Variants in LRRC75A observed in about 807,000 individuals in gnomAD.
LRRC75A encodes leucine-rich repeat-containing protein 75A.
In LRRC75A, 12 loss-of-function variants were observed where a neutral mutation model predicts 26.0. That is an observed-to-expected ratio of 0.46 (90% CI 0.30 to 0.75). The LOEUF (loss-of-function observed/expected upper bound fraction) is 0.75, where lower values mean the gene tolerates loss of function less well. Ranked by LOEUF, LRRC75A falls within the 30% of genes least tolerant of loss-of-function variation. The pLI is 0.08. For missense variants in LRRC75A, 410 were observed against 486.6 expected, an observed-to-expected ratio of 0.84 and a Z score of 1.48; for synonymous variants, 223 against 219.3, an observed-to-expected ratio of 1.02 and a Z score of -0.15.
chr17:16,488,566 G>A (rs998915839), intron 1 of LRRC75A, among the ~76,000 whole-genome samples: 2 of 152,126 alleles, frequency 1.3e-5, no homozygotes, highest in African/African-American at 4.8e-5. Context: ...TCCCTCTTTG[G>A]GAAACAAAGA....
At position 16,492,112 on chromosome 17, in the gene LRRC75A, C is replaced by A; in HGVS notation, c.-122G>T. ...GGCTGCAACTTTGGGGGAACTGTTG[C>A]GCGCGGGCGTCGCGGGGGCGGGCGG... is the stretch of plus-strand genomic sequence containing the variant. On this transcript the variant is annotated 5_prime_UTR_variant, in exon 1 of 4. Transcript: ENST00000470794. The A allele has an allele frequency of 1.1e-6, 1 of 892,812 alleles. No homozygotes were observed. Among genetic ancestry groups the A allele is most frequent in the Non-Finnish European group, 1.4e-6 (1 of 739,502 alleles). The allele number at this position is 892,812 out of a possible 1,614,324, so 55.3% of individuals were successfully genotyped here. A position where few individuals can be genotyped will look rare whatever the true frequency, so the allele number is the denominator to read the frequency against.
At chr17:16,476,959 C>A (rs34620073) in intron 1 of LRRC75A, among the ~76,000 whole-genome samples, 7 of 150,590 alleles carry the variant, frequency 4.6e-5, no homozygotes, top group Admixed American at 3.3e-4. Flanking sequence ...AGGATGGTCT[C>A]AATCTCCTGA....
intron 2 of LRRC75A, among the ~76,000 whole-genome samples, chr17:16,452,875 C>A (rs1011971589): frequency 6.6e-6 from 1 of 152,168 alleles, no homozygotes; most frequent in African/African-American, 2.4e-5. Context: ...TGTAGCCAGT[C>A]TCCAAAGCTT....
chr17:16,492,130 G>A lies in LRRC75A; in HGVS notation c.-140C>T, dbSNP rs2093859027. The A allele has an allele frequency of 1.6e-6, 1 of 634,294 alleles. No homozygotes were observed. The highest frequency in any genetic ancestry group is 2.0e-5 in the African/African-American group (1 of 49,468). 39.3% of individuals were successfully genotyped at this position (634,294 alleles called of 1,614,324 possible). ...ACTGTTGCGCGCGGGCGTCGCGGGG[G>A]CGGGCGGGCGGGCGGCTGTCGGCGC... On this transcript the variant is annotated 5_prime_UTR_variant, in exon 1 of 4. Coordinates refer to ENST00000470794, the MANE Select transcript of LRRC75A (RefSeq NM_001113567.3).
intron 2 of LRRC75A, among the ~76,000 whole-genome samples, chr17:16,457,772 C>T (rs2093696289): frequency 6.6e-6 from 1 of 150,592 alleles, no homozygotes; most frequent in African/African-American, 2.5e-5. Flanking sequence ...TTGAGACCAG[C>T]CTTGGCAACA....
intron 1 of LRRC75A, among the ~76,000 whole-genome samples, chr17:16,487,662 T>A (rs1352421749): frequency 6.6e-6 from 1 of 152,220 alleles, no homozygotes; most frequent in East Asian, 1.9e-4. Flanking sequence ...CTTGAACTGG[T>A]GAGCTCAAGT....
chr17:16,456,783 C>T (rs1312080767), intron 2 of LRRC75A, among the ~76,000 whole-genome samples: 2 of 152,218 alleles, frequency 1.3e-5, no homozygotes, highest in Non-Finnish European at 2.9e-5. Flanking sequence ...CATTTTCTTC[C>T]TTGCTGGAGC....
In LRRC75A at chr17:16,492,033, CCG is replaced by C; in HGVS notation, c.-45_-44del. The C allele has an allele frequency of 8.9e-7, 1 of 1,117,948 alleles. No homozygotes were observed. The highest frequency in any genetic ancestry group is 1.1e-6 in the Non-Finnish European group (1 of 917,216). The allele number at this position is 1,117,948 out of a possible 1,614,324, so 69.3% of individuals were successfully genotyped here. A position where few individuals can be genotyped will look rare whatever the true frequency, so the allele number is the denominator to read the frequency against. On this transcript the variant is annotated 5_prime_UTR_variant, in exon 1 of 4. Transcript: ENST00000470794. ...GGACTCTCCGCTCTGGGCCGCGAGG[CCG>C]CGTCCCCGCCAACCGCCCGCCCCTC...
rs34922220 is a variant in LRRC75A, at chr17:16,452,432, ATTT to A, written c.376-4475_376-4473del. 6.6e-3 allele frequency among the ~76,000 whole-genome samples: 953 copies of A among 145,038 alleles called. 10 individuals carry two copies. Among genetic ancestry groups the A allele is most frequent in the African/African-American group, 0.023 (909 of 39,226 alleles). Reference sequence around the variant, plus strand: ...ATGGGTGGGTGGCTCAGGCACAGGGATTTTTTTTTTTTTCTTTTTGTTTGAGAT... The same window carrying A: ...ATGGGTGGGTGGCTCAGGCACAGGGATTTTTTTTTTCTTTTTGTTTGAGAT... On this transcript the variant is annotated intron_variant, in intron 2 of 3. Coordinates refer to ENST00000470794, the MANE Select transcript of LRRC75A (RefSeq NM_001113567.3).
chr17:16,455,828 C>T (rs1251171055), intron 2 of LRRC75A, among the ~76,000 whole-genome samples: 1 of 152,236 alleles, frequency 6.6e-6, no homozygotes, highest in East Asian at 1.9e-4. Context: ...TGCTCCTAAC[C>T]GCTATCTGCT....
intron 1 of LRRC75A, among the ~76,000 whole-genome samples, chr17:16,472,758 A>C (rs768125144): frequency 6.6e-6 from 1 of 152,238 alleles, no homozygotes; most frequent in African/African-American, 2.4e-5. Context: ...TAAGCAGAAC[A>C]CCGGAAGTGG....
At chr17:16,452,185 CAAAAAAAA>C (rs71152808) in intron 2 of LRRC75A, among the ~76,000 whole-genome samples, 3 of 80,246 alleles carry the variant, frequency 3.7e-5, no homozygotes, top group Admixed American at 1.5e-4. Flanking sequence ...GACTTGCTCT[CAAAAAAAA>C]AAAAAAAAAA....
In LRRC75A at chr17:16,491,641, G is replaced by T; in HGVS notation, c.246+104C>A. ...CCCGCGGAAGGGGCCCCTGGGCGGT[G>T]CCCCTCGGTGCCCCCGGCTTCCTCG... On this transcript the variant is annotated intron_variant, in intron 1 of 3. Transcript: ENST00000470794. The surrounding 1 kb of genome is among the most constrained non-coding windows in gnomAD (Gnocchi z 5.9). 1.2e-6 allele frequency: 1 copy of T among 844,284 alleles called. No individual in the cohort carries two copies. The highest frequency in any genetic ancestry group is 1.6e-6 in the Non-Finnish European group (1 of 640,884). The allele number at this position is 844,284 out of a possible 1,614,324, so 52.3% of individuals were successfully genotyped here.
chr17:16,476,962 T>G (rs1218838969), intron 1 of LRRC75A, among the ~76,000 whole-genome samples: 1 of 151,554 alleles, frequency 6.6e-6, no homozygotes, highest in Non-Finnish European at 1.5e-5. Context: ...ATGGTCTCAA[T>G]CTCCTGACCT....
chr17:16,474,875 C>T (rs796259365), intron 1 of LRRC75A, among the ~76,000 whole-genome samples: 21 of 151,680 alleles, frequency 1.4e-4, no homozygotes, highest in African/African-American at 5.1e-4. Flanking sequence ...CGCCTGTAGT[C>T]CCAGCTACTC....
chr17:16,474,886 G>A (rs944972666), intron 1 of LRRC75A, among the ~76,000 whole-genome samples: 15 of 151,760 alleles, frequency 9.9e-5, no homozygotes, highest in African/African-American at 2.2e-4. Context: ...CCAGCTACTC[G>A]GGAGGCTGAG....
At chr17:16,453,517 T>C (rs1474868326) in intron 2 of LRRC75A, among the ~76,000 whole-genome samples, 1 of 152,124 alleles carries the variant, frequency 6.6e-6, no homozygotes, top group Non-Finnish European at 1.5e-5. Flanking sequence ...ACAATAGATA[T>C]GGACACCTCA....
intron 1 of LRRC75A, among the ~76,000 whole-genome samples, chr17:16,474,308 A>C (rs987814721): frequency 6.6e-6 from 1 of 152,252 alleles, no homozygotes; most frequent in Non-Finnish European, 1.5e-5. Context: ...GCAGCAGAAG[A>C]GGGACTTGGA....
chr17:16,458,742 C>T (rs1285240654), intron 2 of LRRC75A, among the ~76,000 whole-genome samples: 1 of 151,950 alleles, frequency 6.6e-6, no homozygotes, highest in East Asian at 1.9e-4. Context: ...TCGGTGGCCT[C>T]CCAAAGGTGT....
Sources: gnomAD v4.1 joint callset for allele counts (sites outside exome capture counted in the v4.1 genomes callset) on GRCh38, gnomAD v4.1.1 for gene constraint, Gnocchi (gnomAD v3.1) non-coding constraint, MANE v1.5 for transcripts, NCBI Gene and HGNC (gene_info 2026-07-23, HGNC 2026-07-21) for gene names.